Variants in FARP1 observed in about 807,000 individuals in gnomAD.
The protein encoded by FARP1 is FERM, ARH/RhoGEF and pleckstrin domain protein 1.
FARP1 carries 52 observed loss-of-function variants against 128.8 expected under a neutral mutation model. The ratio of observed to expected loss-of-function variants is 0.40; its 90% CI spans 0.32 to 0.51. The LOEUF (loss-of-function observed/expected upper bound fraction) is 0.51, where lower values mean the gene tolerates loss of function less well. FARP1 is among the 20% of genes least tolerant of loss of function. FARP1 has a pLI of 0.45. For missense variants in FARP1, 1,333 were observed against 1,367.9 expected, an observed-to-expected ratio of 0.97 and a Z score of 0.40; for synonymous variants, 580 against 551.8, an observed-to-expected ratio of 1.05 and a Z score of -0.72.
chr13:98,197,848 G>C (rs1425588811), intron 1 of FARP1, among the ~76,000 whole-genome samples: 3 of 151,824 alleles, frequency 2.0e-5, no homozygotes, highest in Non-Finnish European at 2.9e-5. Context: ...GTTTAGCCAG[G>C]ATGGTCTCGA....
At chr13:98,445,376 G>GTTGT (rs1313206024) in intron 24 of FARP1, 11 of 152,276 alleles carry the variant, frequency 7.2e-5, no homozygotes, top group African/African-American at 1.2e-4. Flanking sequence ...CCTGCTCAGA[G>GTTGT]TTGTTTGGAG....
In FARP1 at chr13:98,446,187, C is replaced by G. The variant is rs752812700; in HGVS notation, c.2886C>G (p.Phe962Leu). 6.2e-7 allele frequency: 1 copy of G among 1,612,616 alleles called. No individual in the cohort carries two copies. Among genetic ancestry groups the G allele is most frequent in the South Asian group, 1.1e-5 (1 of 90,976 alleles). Residue 962 changes from phenylalanine (F) to leucine (L), a missense_variant, in exon 25 of 27, where the codon TTC (phenylalanine) becomes TTG (leucine). By Grantham distance (22) the Phe-to-Leu change is conservative (BLOSUM62 0). Coordinates refer to ENST00000319562, the MANE Select transcript of FARP1 (RefSeq NM_005766.4). ...LWVVFTNFCL[F>L]FYKSHQDNHP... ...TGGTGTTCACAAACTTCTGCCTGTT[C>G]TTCTACAAATCACACCAGGTAAGTG...
chr13:98,177,175 A>T (rs1164817678), intron 1 of FARP1: 1 of 1,607,020 alleles, frequency 6.2e-7, no homozygotes. Context: ...CTTTTTGAAG[A>T]GGAAGGTGCA....
intron 3 of FARP1, among the ~76,000 whole-genome samples, chr13:98,362,610 G>C (rs1169892544): frequency 1.3e-5 from 2 of 152,174 alleles, no homozygotes; most frequent in Non-Finnish European, 2.9e-5. Flanking sequence ...ACTCTACGCT[G>C]GCCGTCTTAT....
chr13:98,180,619 CA>C (rs1312589871), intron 1 of FARP1, among the ~76,000 whole-genome samples: 1 of 152,172 alleles, frequency 6.6e-6, no homozygotes, highest in Non-Finnish European at 1.5e-5. Flanking sequence ...AGCCTTCTTC[CA>C]AGTTAGTTGA....
At chr13:98,339,130 C>T (rs1887860641) in intron 2 of FARP1, among the ~76,000 whole-genome samples, 1 of 152,146 alleles carries the variant, frequency 6.6e-6, no homozygotes, top group African/African-American at 2.4e-5. Context: ...TGTATTCGTC[C>T]ATTCTCACAG....
At chr13:98,325,982 G>A (rs1887216993) in intron 2 of FARP1, among the ~76,000 whole-genome samples, 1 of 152,232 alleles carries the variant, frequency 6.6e-6, no homozygotes, top group South Asian at 2.1e-4. Flanking sequence ...GAGGGACATT[G>A]AGTGAAAATG....
At chr13:98,397,951 A>G (rs1055998811) in intron 13 of FARP1, 1 of 150,586 alleles carries the variant, frequency 6.6e-6, no homozygotes, top group East Asian at 1.9e-4. Context: ...TTTAGATCCT[A>G]AGTAACTACA....
chr13:98,306,012 G>A (rs1168792050), intron 2 of FARP1, among the ~76,000 whole-genome samples: 1 of 152,182 alleles, frequency 6.6e-6, no homozygotes, highest in Non-Finnish European at 1.5e-5. Context: ...AACTATCCAT[G>A]TGCAGAGACC....
intron 2 of FARP1, among the ~76,000 whole-genome samples, chr13:98,321,093 T>G (rs1453772233): frequency 6.6e-6 from 1 of 152,180 alleles, no homozygotes; most frequent in Non-Finnish European, 1.5e-5. Flanking sequence ...CTATGATGTG[T>G]GAGTGTCCCC....
intron 2 of FARP1, among the ~76,000 whole-genome samples, chr13:98,317,056 G>A (rs1005727961): frequency 6.6e-6 from 1 of 152,132 alleles, no homozygotes; most frequent in South Asian, 2.1e-4. Flanking sequence ...TCAGCACACA[G>A]ACACACACAG....
At chr13:98,255,284 G>A (rs1191960243) in intron 2 of FARP1, among the ~76,000 whole-genome samples, 1 of 152,166 alleles carries the variant, frequency 6.6e-6, no homozygotes. Context: ...CGGATCACAA[G>A]GTCAGGAGAT....
chr13:98,395,242 A>C lies in FARP1; in HGVS notation c.1180A>C (p.Ser394Arg), dbSNP rs768662086. Residue 394 changes from serine (S) to arginine (R), a missense_variant, in exon 13 of 27, where the codon AGC becomes CGC. By Grantham distance (110) the Ser-to-Arg change is moderately radical (BLOSUM62 -1). Around this residue, in one of 2 missense-constraint regions of FARP1, gnomAD observed 1,009 missense variants for 969.8 expected, o/e 1.04. Coordinates refer to ENST00000319562, the MANE Select transcript of FARP1 (RefSeq NM_005766.4). ...CCCCACCCAGTCTCAGCAGAGCACC[A>C]GCCTTACATTTGGAGAAGGTGCCGA... is the stretch of plus-strand genomic sequence containing the variant. The part of the protein sequence containing the change: ...EVLEQSQQST[S>R]LTFGEGAESP... 1 of 1,599,350 alleles carries C rather than the reference A, an allele frequency of 6.3e-7. No homozygotes were observed. Among genetic ancestry groups the C allele is most frequent in the South Asian group, 1.1e-5 (1 of 90,666 alleles).
rs546620261 is a variant in FARP1 at position 98,438,992 on chromosome 13, G to A, written c.2344-115G>A. On this transcript the variant is annotated intron_variant, in intron 20 of 26. Transcript: ENST00000319562. ...TGGGGTAGAGGAAGAGCAGCCAGAG[G>A]TGCCCAGGCCCAAGTTGTTGAGGAC... 1,254 of 1,390,074 alleles carry A rather than the reference G, an allele frequency of 9.0e-4. 14 individuals carry two copies. The South Asian group carries it at 0.011, about 13-fold the overall frequency. The allele number at this position is 1,390,074 out of a possible 1,614,324, so 86.1% of individuals were successfully genotyped here.
chr13:98,230,585 T>C (rs1882052897), intron 2 of FARP1, among the ~76,000 whole-genome samples: 1 of 152,186 alleles, frequency 6.6e-6, no homozygotes. Context: ...TCAAAGAGTG[T>C]GGACATGAAT....
intron 2 of FARP1, among the ~76,000 whole-genome samples, chr13:98,252,663 A>C (rs1349358570): frequency 6.6e-6 from 1 of 152,174 alleles, no homozygotes; most frequent in Non-Finnish European, 1.5e-5. Context: ...TGTTCTTTAA[A>C]CATTTATTGA....
At chr13:98,190,048 C>T (rs1879121544) in intron 1 of FARP1, among the ~76,000 whole-genome samples, 4 of 152,068 alleles carry the variant, frequency 2.6e-5, no homozygotes, top group Admixed American at 1.3e-4. Context: ...TGCCACTGTC[C>T]CTCCCCCTCA....
At chr13:98,278,366 TTAAG>T (rs1407646347) in intron 2 of FARP1, among the ~76,000 whole-genome samples, 2 of 152,006 alleles carry the variant, frequency 1.3e-5, no homozygotes, top group African/African-American at 4.8e-5. Flanking sequence ...TATATTGTGT[TTAAG>T]TGCGTGTTTG....
chr13:98,284,593 T>C lies in FARP1; in HGVS notation c.172-59169T>C, dbSNP rs115816303. Among the ~76,000 whole-genome samples the C allele has an allele frequency of 8.6e-4, 131 of 152,338 alleles. 1 individual carries two copies. Among genetic ancestry groups the C allele is most frequent in the Middle Eastern group, 3.4e-3 (1 of 294 alleles). Reference sequence around the variant, plus strand: ...TAGATGAATGAACCCATTGCTCTTTTTCTTCTTCTGATTACATTAAGGATA... The same window carrying C: ...TAGATGAATGAACCCATTGCTCTTTCTCTTCTTCTGATTACATTAAGGATA... On this transcript the variant is annotated intron_variant, in intron 2 of 26. Coordinates refer to ENST00000319562, the MANE Select transcript of FARP1 (RefSeq NM_005766.4).
Sources: allele counts gnomAD v4.1 joint callset (sites outside exome capture counted in the v4.1 genomes callset), GRCh38; gene constraint gnomAD v4.1.1; regional missense constraint gnomAD v4.1.1; transcripts MANE v1.5; gene names NCBI Gene and HGNC (gene_info 2026-07-23, HGNC 2026-07-21).